The following GBP2 variants were observed in gnomAD, a reference collection of about 807,000 sequenced individuals.
The protein encoded by GBP2 is guanylate binding protein 2.
In GBP2, 54 loss-of-function variants were observed where a neutral mutation model predicts 60.8. The ratio of observed to expected loss-of-function variants is 0.89; its 90% CI spans 0.71 to 1.11. The LOEUF (loss-of-function observed/expected upper bound fraction) is 1.11. Among genes scored for constraint, GBP2 ranks in the 50% most tolerant of loss-of-function variants. GBP2 has a pLI of 0.00. For missense variants in GBP2, 665 were observed against 703.3 expected (o/e 0.95, Z 0.62); for synonymous variants, 243 against 256.5 (o/e 0.95, Z 0.50).
At chr1:89,123,234 G>A (rs1229114892) in intron 1 of GBP2, among the ~76,000 whole-genome samples, 1 of 152,130 alleles carries the variant, frequency 6.6e-6, no homozygotes, top group Non-Finnish European at 1.5e-5. Flanking sequence ...GCTTTCATTG[G>A]ATAATGGTAG....
chr1:89,125,740 C>T (rs1681505557), intron 1 of GBP2, 123 bp downstream of exon 1: 1 of 152,194 alleles, frequency 6.6e-6, no homozygotes, highest in African/African-American at 2.4e-5. Context: ...CTTGATAGGG[C>T]CAGGATAGTA....
At chr1:89,108,468 C>G (rs987510806) in intron 10 of GBP2, among the ~76,000 whole-genome samples, 177 bp from the exon 11 acceptor site, 2 of 152,078 alleles carry the variant, frequency 1.3e-5, no homozygotes, top group Admixed American at 1.3e-4. Context: ...TGTTGTTGTT[C>G]TACAGTTTCT....
At chr1:89,125,205 C>T (rs1681495674) in intron 1 of GBP2, among the ~76,000 whole-genome samples, 1 of 152,148 alleles carries the variant, frequency 6.6e-6, no homozygotes, top group South Asian at 2.1e-4. Flanking sequence ...TTTCCTTCTT[C>T]TATAATAAAG....
At chr1:89,120,742 T>G (rs1310284114) in intron 3 of GBP2, among the ~76,000 whole-genome samples, 10 of 152,214 alleles carry the variant, frequency 6.6e-5, no homozygotes. Context: ...ATTTTACACT[T>G]TGCTTCTCTT....
At chr1:89,110,324 A>G in intron 8 of GBP2, 58 bp from the exon 9 acceptor site, 3 of 1,263,766 alleles carry the variant, frequency 2.4e-6, no homozygotes, top group South Asian at 1.2e-5. Context: ...AGATCCAGCA[A>G]TCCCACCACT....
At position 89,112,951 on chromosome 1, in the gene GBP2, T is replaced by C. The variant is rs573525115; in HGVS notation, c.1150-267A>G. Reference sequence around the variant, plus strand: ...TTCTCAAAGCACATACACTATTTCATACGAAACTTTTATCTTTCCAAGTCT... The same window carrying C: ...TTCTCAAAGCACATACACTATTTCACACGAAACTTTTATCTTTCCAAGTCT... On this transcript the variant is annotated intron_variant, in intron 7 of 10. Transcript: ENST00000370466. 62 of 462,446 alleles carry C rather than the reference T, an allele frequency of 1.3e-4. 1 individual carries two copies. The highest frequency in any genetic ancestry group is 1.3e-3 in the South Asian group (52 of 41,216). 28.6% of individuals were successfully genotyped at this position (462,446 alleles called of 1,614,324 possible). A position where few individuals can be genotyped will look rare whatever the true frequency, so the allele number is the denominator to read the frequency against.
rs1185555036 is a variant in GBP2, at chr1:89,114,020, A to C, written c.1145T>G (p.Leu382Ter). ...KDVDQMFQRK[L>*]GAQLEARRDD... is the part of the protein sequence containing the mutation. ...GACGTAGAACACCAAATATACCCCT[A>C]ATTTCCTCTGGAACATTTGGTCCAC... The change falls in exon 7 of 11, where the codon TTA (leucine) becomes TGA (stop). Residue 382 changes from leucine (L) to a stop codon, truncating the protein, a stop_gained. Coordinates refer to ENST00000370466, the MANE Select transcript of GBP2 (RefSeq NM_004120.5). LOFTEE classifies it high-confidence loss of function. 6.2e-7 allele frequency: 1 copy of C among 1,614,154 alleles called. No individual in the cohort carries two copies.
intron 1 of GBP2, among the ~76,000 whole-genome samples, chr1:89,123,416 C>T (rs1469555419): frequency 6.6e-6 from 1 of 152,138 alleles, no homozygotes; most frequent in Non-Finnish European, 1.5e-5. Flanking sequence ...TTTCTAATTC[C>T]AATTCAACAA....
intron 8 of GBP2, 88 bp downstream of exon 8, chr1:89,112,384 G>T: frequency 9.6e-7 from 1 of 1,041,096 alleles, no homozygotes; most frequent in African/African-American, 1.6e-5. Context: ...CTAGGCACCA[G>T]TTGCAGTGCC....
At chr1:89,117,361 T>A in intron 5 of GBP2, 127 bp from the exon 6 acceptor site, 4 of 967,916 alleles carry the variant, frequency 4.1e-6, no homozygotes, top group Non-Finnish European at 6.1e-6. Context: ...AATAAAAAAT[T>A]AAAGGGGTAG....
At chr1:89,108,922 T>A (rs1352118298) in intron 10 of GBP2, among the ~76,000 whole-genome samples, 1 of 150,504 alleles carries the variant, frequency 6.6e-6, no homozygotes, top group African/African-American at 2.5e-5. Flanking sequence ...TGAGATGGAA[T>A]TTGACTCTTG....
chr1:89,115,666 A>G (rs1303813584), intron 6 of GBP2, among the ~76,000 whole-genome samples: 1 of 152,196 alleles, frequency 6.6e-6, no homozygotes, highest in Non-Finnish European at 1.5e-5. Context: ...GGGCATGATC[A>G]TAGCTCACCA....
At chr1:89,116,044 A>G (rs1681264502) in intron 6 of GBP2, among the ~76,000 whole-genome samples, 1 of 151,586 alleles carries the variant, frequency 6.6e-6, no homozygotes, top group South Asian at 2.1e-4. Context: ...ACAGGGTCTC[A>G]CTCTGTCTCC....
rs549937358 is a variant in GBP2, at chr1:89,106,600, T to C, written c.*1575A>G. ...AAAAATACTAACTCAAGTCTTAGGT[T>C]ATTCCTACTATAAGATTTATCTCCA... On this transcript the variant is annotated 3_prime_UTR_variant, in exon 11 of 11. Coordinates refer to ENST00000370466, the MANE Select transcript of GBP2 (RefSeq NM_004120.5). 1 of 152,340 alleles carries C rather than the reference T, an allele frequency of 6.6e-6. No individual in the cohort carries two copies. The highest frequency in any genetic ancestry group is 2.1e-4 in the South Asian group (1 of 4,832). 9.4% of individuals were successfully genotyped at this position (152,340 alleles called of 1,614,324 possible).
chr1:89,123,695 T>G (rs1681457603), intron 1 of GBP2, among the ~76,000 whole-genome samples: 1 of 152,248 alleles, frequency 6.6e-6, no homozygotes, highest in African/African-American at 2.4e-5. Context: ...TTGGTGTAGT[T>G]AAATTATTTA....
rs1474448458 is a variant in GBP2 at position 89,109,747 on chromosome 1, GTC to G, written c.1587_1588del (p.Leu529PhefsTer2). 1 of 1,613,956 alleles carries G rather than the reference GTC, an allele frequency of 6.2e-7. No individual in the cohort carries two copies. The highest frequency in any genetic ancestry group is 1.3e-5 in the African/African-American group (1 of 74,932). ...GGCCCTGTCCCTCTCCATCTTCTCAGTCAATTGTTTCACATGTTCCTGATAAC... is the reference window on the plus strand; with the variant it reads ...GGCCCTGTCCCTCTCCATCTTCTCAGAATTGTTTCACATGTTCCTGATAAC... On this transcript the variant is annotated frameshift_variant, in exon 10 of 11. Transcript: ENST00000370466. LOFTEE classifies it high-confidence loss of function.
At chr1:89,113,948 G>A (rs1488714818) in intron 7 of GBP2, 68 bp downstream of exon 7, 7 of 1,566,766 alleles carry the variant, frequency 4.5e-6, no homozygotes, top group Non-Finnish European at 6.1e-6. Flanking sequence ...TTGGGGTCTA[G>A]AAAGAATTAT....
intron 7 of GBP2, chr1:89,112,891 C>G: frequency 3.5e-6 from 2 of 571,950 alleles, no homozygotes; most frequent in Non-Finnish European, 6.2e-6. Context: ...TTTCCTAAAG[C>G]TCCTTTCTCC....
In GBP2 at chr1:89,107,962, G is replaced by C. The variant is rs1681086125; in HGVS notation, c.*213C>G. ...TAGTTAAAGATCATATTAAAAGTTAGTACTATAAATAAGCATGAGTTGAAT... is the reference window on the plus strand; with the variant it reads ...TAGTTAAAGATCATATTAAAAGTTACTACTATAAATAAGCATGAGTTGAAT... On this transcript the variant is annotated 3_prime_UTR_variant, in exon 11 of 11. Transcript: ENST00000370466. 2.5e-6 allele frequency: 1 copy of C among 403,728 alleles called. No homozygotes were observed. Among genetic ancestry groups the C allele is most frequent in the Admixed American group, 4.4e-5 (1 of 22,484 alleles). The allele number at this position is 403,728 out of a possible 1,614,324, so 25.0% of individuals were successfully genotyped here.
Sources: allele counts gnomAD v4.1 joint callset (sites outside exome capture counted in the v4.1 genomes callset), GRCh38; gene constraint gnomAD v4.1.1; transcripts MANE v1.5; gene names NCBI Gene and HGNC (gene_info 2026-07-23, HGNC 2026-07-21).